PIP4K2C: variants seen among roughly 807,000 people sequenced by gnomAD.
PIP4K2C encodes the protein phosphatidylinositol-5-phosphate 4-kinase type 2 gamma.
PIP4K2C carries 21 observed loss-of-function variants against 45.0 expected under a neutral mutation model. The observed-to-expected ratio is 0.47, with a 90% CI of 0.33 to 0.67. PIP4K2C has a LOEUF of 0.67. PIP4K2C is among the 30% of genes least tolerant of loss of function. The pLI, the probability that PIP4K2C is intolerant of heterozygous loss-of-function variation, is 0.02. For missense variants in PIP4K2C, 456 were observed against 542.8 expected (o/e 0.84, Z 1.59); for synonymous variants, 201 against 204.8 (o/e 0.98, Z 0.16).
At position 57,601,757 on chromosome 12, in the gene PIP4K2C, T is replaced by A. The variant is rs186995946; in HGVS notation, c.*151T>A. The A allele has an allele frequency of 1.5e-6, 1 of 682,292 alleles. No homozygotes were observed. Among genetic ancestry groups the A allele is most frequent in the East Asian group, 2.6e-5 (1 of 38,896 alleles). The allele number at this position is 682,292 out of a possible 1,614,324, so 42.3% of individuals were successfully genotyped here. On this transcript the variant is annotated 3_prime_UTR_variant, in exon 10 of 10. Coordinates refer to ENST00000354947, the MANE Select transcript of PIP4K2C (RefSeq NM_024779.5). ...ATCCAGATAACTCCATCCTGTCGAG[T>A]AGGCTCTTTCTGACCCTCAGAAATA...
At chr12:57,595,073 T>A in intron 2 of PIP4K2C, 53 bp from the exon 3 acceptor site, 1 of 1,111,050 alleles carries the variant, frequency 9.0e-7, no homozygotes, top group Non-Finnish European at 1.4e-6. Flanking sequence ...AACTACCAAG[T>A]GTATGTAAAT....
rs201628309 is a variant in PIP4K2C, at chr12:57,595,114, C to T, written c.273-12C>T. 209 of 1,547,092 alleles carry T rather than the reference C, an allele frequency of 1.4e-4. 1 individual carries two copies. The African/African-American group carries it at 2.6e-3, about 19-fold the overall frequency. On this transcript the variant is annotated splice_polypyrimidine_tract_variant and intron_variant, in intron 2 of 9. Coordinates refer to ENST00000354947, the MANE Select transcript of PIP4K2C (RefSeq NM_024779.5). ...ATTGTTTGTTTTCTTACTTTGAAAA[C>T]CTGAATTTCAGGGAAAATCTGCCCA...
At chr12:57,601,161 T>C in intron 8 of PIP4K2C, 83 bp downstream of exon 8, 1 of 1,592,586 alleles carries the variant, frequency 6.3e-7, no homozygotes, top group South Asian at 1.1e-5. Context: ...AGAGCCTGAT[T>C]AGCTTTTCAG....
In PIP4K2C at chr12:57,591,244, A is replaced by T. The variant is rs764458653; in HGVS notation, c.-46A>T. The T allele has an allele frequency of 5.8e-6, 9 of 1,557,238 alleles. No homozygotes were observed. In the East Asian group the frequency reaches 2.1e-4, roughly 36 times the overall value. ...GCCGCTTCCGGGGTCGGGCGCCTGGATAGCTGCCGGCTCCGGCTTCCACTT... is the reference window on the plus strand; with the variant it reads ...GCCGCTTCCGGGGTCGGGCGCCTGGTTAGCTGCCGGCTCCGGCTTCCACTT... On this transcript the variant is annotated 5_prime_UTR_variant, in exon 1 of 10. Transcript: ENST00000354947.
intron 3 of PIP4K2C, 90 bp downstream of exon 3, chr12:57,595,312 T>A: frequency 1.2e-6 from 1 of 839,324 alleles, no homozygotes; most frequent in Non-Finnish European, 2.0e-6. Context: ...GAAATGAGAG[T>A]CTTGGCAAAT....
In PIP4K2C at chr12:57,596,001, C is replaced by G; in HGVS notation, c.483C>G (p.Asp161Glu). The G allele has an allele frequency of 6.2e-7, 1 of 1,613,982 alleles. No homozygotes were observed. The highest frequency in any genetic ancestry group is 8.5e-7 in the Non-Finnish European group (1 of 1,179,852). Residue 161 changes from aspartate to glutamate, a missense_variant, in exon 4 of 10, where the codon GAC becomes GAG. This residue lies in a region of PIP4K2C where 421 missense variants were observed against 473.1 expected (regional missense o/e 0.89). Transcript: ENST00000354947. ...IKEVSSEDIADMHSNLSNYHQ... is the reference protein window; with the variant it reads ...IKEVSSEDIAEMHSNLSNYHQ... ...AAGTATCCAGTGAGGACATTGCTGA[C>G]ATGCATAGCAACCTCTCCAACTATC...
chr12:57,594,974 A>G (rs899121171), intron 2 of PIP4K2C, 152 bp from the exon 3 acceptor site: 35 of 568,132 alleles, frequency 6.2e-5, no homozygotes, highest in African/African-American at 5.7e-4. Flanking sequence ...GTCTCAAAAA[A>G]TAATAATAAC....
At chr12:57,595,309 G>A in intron 3 of PIP4K2C, 87 bp downstream of exon 3, 1 of 861,328 alleles carries the variant, frequency 1.2e-6, no homozygotes, top group South Asian at 1.4e-5. Context: ...GGAGAAATGA[G>A]AGTCTTGGCA....
At position 57,600,384 on chromosome 12, in the gene PIP4K2C, A is replaced by G. The variant is rs1883375662; in HGVS notation, c.760A>G (p.Ile254Val). 1.9e-6 allele frequency: 3 copies of G among 1,611,482 alleles called. No homozygotes were observed. Among genetic ancestry groups the G allele is most frequent in the South Asian group, 2.2e-5 (2 of 90,998 alleles). Reference protein sequence around the residue: ...DFLNKNQKVYIGEEEKKIFLE... With the variant: ...DFLNKNQKVYVGEEEKKIFLE... ...TCTCAACAAGAACCAGAAAGTATAT[A>G]TTGGTGAAGAGGAGAAGAAAATATT... Residue 254 changes from isoleucine (I) to valine (V), a missense_variant, in exon 7 of 10, where the codon ATT becomes GTT. Transcript: ENST00000354947.
Position 57,601,603 on chromosome 12 carries a change from C to T in PIP4K2C, c.1263C>T (p.Ala421=), listed in dbSNP as rs1565716517. ...TGGATTTTATTACCAACATCTTTGC[C>T]TAAGAGACTGCCTGGTTCTCTCTGA... The part of the protein sequence containing the change: ...RFLDFITNIF[A] The change falls in exon 10 of 10, where the codon GCC becomes GCT. Residue 421 remains alanine (A), a synonymous_variant. Transcript: ENST00000354947. 6.2e-7 allele frequency: 1 copy of T among 1,605,612 alleles called. No homozygotes were observed.
chr12:57,595,503 G>A (rs539809960), intron 3 of PIP4K2C, among the ~76,000 whole-genome samples: 5 of 152,044 alleles, frequency 3.3e-5, no homozygotes, highest in Admixed American at 2.0e-4. Flanking sequence ...TCAGGAGTTC[G>A]AGACCATCCT....
chr12:57,595,851 G>C, intron 3 of PIP4K2C, 37 bp from the exon 4 acceptor site: 3 of 1,610,480 alleles, frequency 1.9e-6, no homozygotes, highest in Non-Finnish European at 2.5e-6. Flanking sequence ...CATATAAAGA[G>C]GGAGGAAAAG....
chr12:57,591,867 A>G (rs143973021), intron 1 of PIP4K2C, among the ~76,000 whole-genome samples: 6 of 151,896 alleles, frequency 4.0e-5, no homozygotes, highest in African/African-American at 7.2e-5. Flanking sequence ...AGGGGAGTAG[A>G]TGGATGAAAA....
chr12:57,591,494 T>C (rs1882955126), intron 1 of PIP4K2C, 31 bp downstream of exon 1: 7 of 1,558,258 alleles, frequency 4.5e-6, no homozygotes, highest in African/African-American at 2.8e-5. Context: ...CCCGCAGCCC[T>C]GTCCAAACCC....
At position 57,591,256 on chromosome 12, in the gene PIP4K2C, T is replaced by TA; in HGVS notation, c.-34_-33insA. The TA allele has an allele frequency of 6.4e-7, 1 of 1,573,698 alleles. No individual in the cohort carries two copies. The highest frequency in any genetic ancestry group is 8.7e-7 in the Non-Finnish European group (1 of 1,155,260). ...GTCGGGCGCCTGGATAGCTGCCGGCTCCGGCTTCCACTTGGTCGGTTGCGC... is the reference window on the plus strand; with the variant it reads ...GTCGGGCGCCTGGATAGCTGCCGGCTACCGGCTTCCACTTGGTCGGTTGCGC... On this transcript the variant is annotated 5_prime_UTR_variant, in exon 1 of 10. Coordinates refer to ENST00000354947, the MANE Select transcript of PIP4K2C (RefSeq NM_024779.5).
At chr12:57,594,718 C>T (rs1883113374) in intron 2 of PIP4K2C, among the ~76,000 whole-genome samples, 1 of 152,124 alleles carries the variant, frequency 6.6e-6, no homozygotes, top group Admixed American at 6.6e-5. Flanking sequence ...GCCTGTAATC[C>T]CAGCAGTTTG....
At position 57,601,522 on chromosome 12, in the gene PIP4K2C, A is replaced by T. The variant is rs568986710; in HGVS notation, c.1186-4A>T. On this transcript the variant is annotated splice_polypyrimidine_tract_variant and splice_region_variant and intron_variant, in intron 9 of 9. Coordinates refer to ENST00000354947, the MANE Select transcript of PIP4K2C (RefSeq NM_024779.5). ...GACATATTGTTCCGTATCTCCTCTC[A>T]CAGGCTGGGGCAGAGATCTCTACTG... 1 of 1,611,754 alleles carries T rather than the reference A, an allele frequency of 6.2e-7. No homozygotes were observed. The highest frequency in any genetic ancestry group is 1.7e-5 in the Admixed American group (1 of 59,996).
chr12:57,594,633 GAC>G (rs1301136326), intron 2 of PIP4K2C, among the ~76,000 whole-genome samples: 2 of 152,156 alleles, frequency 1.3e-5, no homozygotes, highest in Middle Eastern at 3.2e-3. Flanking sequence ...ATCACTCTGA[GAC>G]AGTCTCCTCT....
At position 57,600,302 on chromosome 12, in the gene PIP4K2C, A is replaced by G. The variant is rs774896893; in HGVS notation, c.700-22A>G. ...CTTGGGGAAGGGATATGTTCCCAAG[A>G]TGTCCCTTTACATATTCTTAGGTTA... On this transcript the variant is annotated intron_variant, in intron 6 of 9. Transcript: ENST00000354947. The G allele has an allele frequency of 2.7e-6, 4 of 1,479,718 alleles. No homozygotes were observed. The African/African-American group carries it at 5.6e-5, about 21-fold the overall frequency. 91.7% of individuals were successfully genotyped at this position (1,479,718 alleles called of 1,614,324 possible). A position where few individuals can be genotyped will look rare whatever the true frequency, so the allele number is the denominator to read the frequency against.
Sources: gnomAD v4.1 joint callset for allele counts (sites outside exome capture counted in the v4.1 genomes callset) on GRCh38, gnomAD v4.1.1 for gene constraint, gnomAD v4.1.1 regional missense constraint, MANE v1.5 for transcripts, NCBI Gene and HGNC (gene_info 2026-07-23, HGNC 2026-07-21) for gene names.